The following PROM1 variants were observed in gnomAD, a reference collection of about 807,000 sequenced individuals.
PROM1 encodes the protein prominin 1.
PROM1 carries 105 observed loss-of-function variants against 116.9 expected under a neutral mutation model. The ratio of observed to expected loss-of-function variants is 0.90; its 90% CI spans 0.77 to 1.06. The LOEUF (loss-of-function observed/expected upper bound fraction) is 1.06, where lower values mean the gene tolerates loss of function less well. PROM1 is among the 50% of genes least tolerant of loss of function. The pLI is 0.00. For missense variants in PROM1, 1,122 were observed against 1,045.2 expected (o/e 1.07, Z -1.01); for synonymous variants, 393 against 387.0 (o/e 1.02, Z -0.18).
intron 2 of PROM1, among the ~76,000 whole-genome samples, chr4:16,071,224 A>G (rs1578312652): frequency 6.6e-6 from 1 of 152,126 alleles, no homozygotes; most frequent in African/African-American, 2.4e-5. Flanking sequence ...TTCCACGTAC[A>G]CCCTGGCTGA....
chr4:16,041,738 AC>A (rs1735277926), intron 2 of PROM1, among the ~76,000 whole-genome samples: 1 of 149,460 alleles, frequency 6.7e-6, no homozygotes, highest in Admixed American at 6.7e-5. Flanking sequence ...ACAGATCGAG[AC>A]CCTGCCTCAA....
At chr4:16,026,844 T>C (rs1284927649) in intron 5 of PROM1, among the ~76,000 whole-genome samples, 2 of 152,232 alleles carry the variant, frequency 1.3e-5, no homozygotes, top group South Asian at 2.1e-4. Flanking sequence ...TGCAGTGTAC[T>C]GAATACTAGA....
intron 23 of PROM1, among the ~76,000 whole-genome samples, chr4:15,983,586 C>A (rs1176754728): frequency 6.6e-6 from 1 of 151,808 alleles, no homozygotes; most frequent in Non-Finnish European, 1.5e-5. Flanking sequence ...GTGCATGGGC[C>A]CTAAGGTGGG....
At chr4:16,018,925 G>A (rs1344484804) in intron 8 of PROM1, among the ~76,000 whole-genome samples, 1 of 152,182 alleles carries the variant, frequency 6.6e-6, no homozygotes, top group African/African-American at 2.4e-5. Flanking sequence ...AATGGATTAC[G>A]CCCAGATATA....
At chr4:16,083,852 C>T (rs1403979254) in intron 1 of PROM1, 126 bp downstream of exon 1, 1 of 152,192 alleles carries the variant, frequency 6.6e-6, no homozygotes, top group African/African-American at 2.4e-5. Context: ...GCCGGACCCT[C>T]GGACGTGGCG....
chr4:15,979,006 G>A (rs375634186), intron 26 of PROM1, among the ~76,000 whole-genome samples: 61 of 98,486 alleles, frequency 6.2e-4, no homozygotes, highest in African/African-American at 2.6e-3. Context: ...AAGGAAGGAA[G>A]GAAAGAAGGA....
At chr4:16,027,297 A>AACACACACACACACACACACACACACAC (rs144910885) in intron 5 of PROM1, among the ~76,000 whole-genome samples, 1 of 147,128 alleles carries the variant, frequency 6.8e-6, no homozygotes, top group Admixed American at 6.8e-5. Flanking sequence ...GTGAAGAAGA[A>AACACACACACACACACACACACACACAC]ACACACACAC....
chr4:16,032,150 CT>C (rs112233749), intron 5 of PROM1, among the ~76,000 whole-genome samples: 10,777 of 148,242 alleles, frequency 0.073, 513 homozygotes, highest in Non-Finnish European at 0.11. Context: ...CCTTCCTGAT[CT>C]TTTTTTTTTT....
chr4:16,038,930 AC>A lies in PROM1; in HGVS notation c.276+15del. 1 of 1,466,908 alleles carries A rather than the reference AC, an allele frequency of 6.8e-7. No homozygotes were observed. Among genetic ancestry groups the A allele is most frequent in the South Asian group, 1.5e-5 (1 of 67,894 alleles). The allele number at this position is 1,466,908 out of a possible 1,614,324, so 90.9% of individuals were successfully genotyped here. ...ACTTCGTATTTTTAATAATAAATAC[AC>A]CAATGAAAAATTACCTTGTCATAAT... On this transcript the variant is annotated intron_variant, in intron 3 of 27. Transcript: ENST00000447510.
At chr4:15,975,137 G>A (rs6855282) in intron 26 of PROM1, among the ~76,000 whole-genome samples, 115,796 of 152,160 alleles carry the variant, frequency 0.76, 44,753 homozygotes, top group African/African-American at 0.91. Context: ...AAACCCTTAA[G>A]TAAGGGTTTA....
intron 5 of PROM1, among the ~76,000 whole-genome samples, chr4:16,032,459 T>C (rs1354665647): frequency 6.6e-6 from 1 of 152,232 alleles, no homozygotes; most frequent in African/African-American, 2.4e-5. Flanking sequence ...TTACGGCTAC[T>C]GAGCACGTGT....
chr4:15,992,558 G>A (rs1209685883), intron 16 of PROM1, among the ~76,000 whole-genome samples, 167 bp from the exon 17 acceptor site: 1 of 151,888 alleles, frequency 6.6e-6, no homozygotes, highest in African/African-American at 2.4e-5. Context: ...TTCAAAACCA[G>A]CCAGGGCAAC....
intron 2 of PROM1, among the ~76,000 whole-genome samples, chr4:16,040,653 C>A (rs900636788): frequency 2.0e-5 from 3 of 152,188 alleles, no homozygotes; most frequent in African/African-American, 4.8e-5. Context: ...ATAACTGCTA[C>A]GAACATGCTC....
chr4:16,033,560 T>A, intron 4 of PROM1, 51 bp from the exon 5 acceptor site: 1 of 918,348 alleles, frequency 1.1e-6, no homozygotes, highest in Non-Finnish European at 1.6e-6. Context: ...AAATAATAAG[T>A]AGAACATTCC....
intron 2 of PROM1, among the ~76,000 whole-genome samples, chr4:16,055,631 T>G (rs1225039004): frequency 6.6e-6 from 1 of 152,160 alleles, no homozygotes; most frequent in Non-Finnish European, 1.5e-5. Context: ...CTCTGCTACA[T>G]AGCTAGGCAG....
intron 4 of PROM1, among the ~76,000 whole-genome samples, chr4:16,035,487 C>T (rs969654433): frequency 2.0e-5 from 3 of 152,192 alleles, no homozygotes; most frequent in Non-Finnish European, 4.4e-5. Flanking sequence ...CACTTCTAGG[C>T]CGACTAGACG....
At chr4:16,040,963 T>A (rs1281489527) in intron 2 of PROM1, among the ~76,000 whole-genome samples, 1 of 152,248 alleles carries the variant, frequency 6.6e-6, no homozygotes, top group African/African-American at 2.4e-5. Flanking sequence ...GAACTGCTTC[T>A]TCCATCCTCT....
rs368916265 is a variant in PROM1 at position 15,971,030 on chromosome 4, G to A, written c.*24+13C>T. ...GTCCTGTAGATTCTCTTCAATGAAA[G>A]CATCAAACTTACCTCAAGCAGTTTC... On this transcript the variant is annotated intron_variant, in intron 27 of 27. Transcript: ENST00000447510. 1.8e-5 allele frequency: 28 copies of A among 1,570,634 alleles called. No individual in the cohort carries two copies. In the African/African-American group the frequency reaches 3.4e-4, roughly 19 times the overall value.
rs368213921 is a variant in PROM1, at chr4:16,024,347, A to T, written c.642T>A (p.Tyr214Ter). 6.8e-6 allele frequency: 11 copies of T among 1,611,028 alleles called. No homozygotes were observed. The highest frequency in any genetic ancestry group is 9.3e-6 in the Non-Finnish European group (11 of 1,178,646). ...LLNETPEQIK[Y>*]ILAQYNTTKD... ...TGGTAGTGTTGTACTGGGCCAATAT[A>T]TATTTGATTTGCTGAAAAAAGAACA... The change falls in exon 7 of 28, where the codon TAT (tyrosine) becomes TAA (stop). Residue 214 changes from tyrosine to a stop codon, truncating the protein, a stop_gained. Coordinates refer to ENST00000447510, the MANE Select transcript of PROM1 (RefSeq NM_006017.3). LOFTEE classifies it high-confidence loss of function.
Sources: allele counts gnomAD v4.1 joint callset (sites outside exome capture counted in the v4.1 genomes callset), GRCh38; gene constraint gnomAD v4.1.1; transcripts MANE v1.5; gene names NCBI Gene and HGNC (gene_info 2026-07-23, HGNC 2026-07-21).